Variants in PDE4A observed in about 807,000 individuals in gnomAD.
The protein encoded by PDE4A is phosphodiesterase 4A, also known as 3',5'-cyclic-AMP phosphodiesterase 4A.
In PDE4A, 21 loss-of-function variants were observed where a neutral mutation model predicts 73.9. The observed-to-expected ratio is 0.28, with a 90% CI of 0.20 to 0.41. The LOEUF (loss-of-function observed/expected upper bound fraction) is 0.41, where lower values mean the gene tolerates loss of function less well. PDE4A is among the 10% of genes least tolerant of loss of function. PDE4A has a pLI of 1.00. For missense variants in PDE4A, 958 were observed against 1,211.4 expected, an observed-to-expected ratio of 0.79 and a Z score of 3.10; for synonymous variants, 463 against 505.4, an observed-to-expected ratio of 0.92 and a Z score of 1.13.
upstream of PDE4A, chr19:10,417,983 T>A: frequency 8.4e-7 from 1 of 1,185,522 alleles, no homozygotes; most frequent in Non-Finnish European, 1.2e-6. Flanking sequence ...CAAAACTAGC[T>A]GCAACTTGTC....
chr19:10,421,919 G>A (rs1411730562), intron 1 of PDE4A, among the ~76,000 whole-genome samples: 2 of 152,160 alleles, frequency 1.3e-5, no homozygotes, highest in African/African-American at 2.4e-5. Flanking sequence ...TGAGCTTCTG[G>A]GGTCTTGTGA....
In PDE4A at chr19:10,467,254, C is replaced by T; in HGVS notation, c.2294C>T (p.Ala765Val). The T allele has an allele frequency of 6.2e-7, 1 of 1,614,202 alleles. No homozygotes were observed. Among genetic ancestry groups the T allele is most frequent in the Non-Finnish European group, 8.5e-7 (1 of 1,180,038 alleles). The change falls in exon 15 of 15, where the codon GCA (alanine) becomes GTA (valine). Residue 765 changes from alanine (A) to valine (V), a missense_variant. Physicochemically the swap from Ala to Val is moderately conservative, Grantham distance 64 (BLOSUM62 0). Transcript: ENST00000380702. The stretch of plus-strand genomic sequence containing the variant: ...GCCCAGGAGTCGTTGGAAGTTATGG[C>T]ACAGGAAGCATCCCTGGAGGCCGAG... ...SPAQESLEVM[A>V]QEASLEAELE...
intron 1 of PDE4A, among the ~76,000 whole-genome samples, chr19:10,425,309 G>A (rs1470180930): frequency 6.6e-6 from 1 of 152,128 alleles, no homozygotes; most frequent in African/African-American, 2.4e-5. Flanking sequence ...CCGCTGACTC[G>A]CTGTGTGACT....
chr19:10,467,127 A>G lies in PDE4A; in HGVS notation c.2167A>G (p.Met723Val), dbSNP rs747821305. Reference sequence around the variant, plus strand: ...GGAGGAAGAGGAGGAAGAAATATCAATGGCCCAGATACCGTGCACAGCCCA... The same window carrying G: ...GGAGGAAGAGGAGGAAGAAATATCAGTGGCCCAGATACCGTGCACAGCCCA... ...LEEEEEEEIS[M>V]AQIPCTAQEA... Residue 723 changes from methionine to valine, a missense_variant, in exon 15 of 15, where the codon ATG becomes GTG. Transcript: ENST00000380702. The G allele has an allele frequency of 3.7e-6, 6 of 1,614,046 alleles. No individual in the cohort carries two copies. The African/African-American group carries it at 6.7e-5, about 18-fold the overall frequency.
Position 10,443,789 on chromosome 19 carries a change from T to G in PDE4A, c.321-2429T>G, listed in dbSNP as rs574177743. ...TGGGAGGCCGAGGTGGGTGGATTAC[T>G]TGAGGTCTGGAGTTCGAAACCAGCC... On this transcript the variant is annotated intron_variant, in intron 1 of 14. Transcript: ENST00000380702. 4.6e-5 allele frequency among the ~76,000 whole-genome samples: 7 copies of G among 150,952 alleles called. No homozygotes were observed. The South Asian group carries it at 1.3e-3, about 27-fold the overall frequency.
chr19:10,454,681 C>T, intron 6 of PDE4A, 148 bp from the exon 7 acceptor site: 1 of 1,395,500 alleles, frequency 7.2e-7, no homozygotes, highest in Non-Finnish European at 9.6e-7. Flanking sequence ...TGACCCCAAC[C>T]CCCCAGCAGT....
At chr19:10,417,866 G>A (rs1211347580), upstream of PDE4A, 1 of 1,553,860 alleles carries the variant, frequency 6.4e-7, no homozygotes, top group Non-Finnish European at 8.6e-7. Flanking sequence ...AGAACGACAG[G>A]TAGGTAGGAG....
intron 1 of PDE4A, among the ~76,000 whole-genome samples, chr19:10,425,350 C>T (rs981713763): frequency 6.6e-6 from 1 of 152,218 alleles, no homozygotes; most frequent in African/African-American, 2.4e-5. Context: ...CTCGGAGCCT[C>T]AGTTTCCTCA....
chr19:10,459,290 G>A, intron 8 of PDE4A, 110 bp from the exon 9 acceptor site: 1 of 1,556,120 alleles, frequency 6.4e-7, no homozygotes, highest in East Asian at 2.3e-5. Flanking sequence ...TCACCCACTG[G>A]GTGAGCAATA....
intron 5 of PDE4A, 61 bp from the exon 6 acceptor site, chr19:10,450,768 G>T (rs1185490167): frequency 6.3e-7 from 1 of 1,577,854 alleles, no homozygotes. Flanking sequence ...CGGCGGTCTG[G>T]AGCCTCTGGG....
intron 1 of PDE4A, among the ~76,000 whole-genome samples, chr19:10,433,492 A>G: frequency 6.6e-6 from 1 of 152,194 alleles, no homozygotes; most frequent in South Asian, 2.1e-4. Context: ...GGACTGTCAC[A>G]GTATCAGTGC....
Position 10,453,176 on chromosome 19 carries a change from G to T in PDE4A, c.784-1653G>T. 2 of 1,471,674 alleles carry T rather than the reference G, an allele frequency of 1.4e-6. No individual in the cohort carries two copies. Among genetic ancestry groups the T allele is most frequent in the South Asian group, 1.4e-5 (1 of 71,952 alleles). 91.2% of individuals were successfully genotyped at this position (1,471,674 alleles called of 1,614,324 possible). A position where few individuals can be genotyped will look rare whatever the true frequency, so the allele number is the denominator to read the frequency against. ...TCCCCCTTCCACTACCCACCTGCCCGGCACCCCCTCCCCAGTGGTTGTTAA... is the reference window on the plus strand; with the variant it reads ...TCCCCCTTCCACTACCCACCTGCCCTGCACCCCCTCCCCAGTGGTTGTTAA... On this transcript the variant is annotated intron_variant, in intron 6 of 14. Transcript: ENST00000380702. This position sits in a 1 kb window ranked among gnomAD's most constrained non-coding sequence, Gnocchi z 4.6.
rs1164207871 is a variant in PDE4A, at chr19:10,462,004, C to T, written c.1743+5C>T. On this transcript the variant is annotated splice_donor_5th_base_variant and intron_variant, in intron 13 of 14. Transcript: ENST00000380702. The stretch of plus-strand genomic sequence containing the variant: ...AACTACTCCGACCGCATCCAGGTGC[C>T]CCCACGCCCCATCATCTAAGGAGGG... 1.2e-6 allele frequency: 2 copies of T among 1,610,148 alleles called. No individual in the cohort carries two copies. Among genetic ancestry groups the T allele is most frequent in the African/African-American group, 1.3e-5 (1 of 74,880 alleles).
chr19:10,439,760 C>T (rs1169678390), intron 1 of PDE4A, among the ~76,000 whole-genome samples: 1 of 152,038 alleles, frequency 6.6e-6, no homozygotes, highest in Non-Finnish European at 1.5e-5. Context: ...AGTCCCTTCT[C>T]TTGGAGTGAA....
chr19:10,436,851 C>G (rs2042871715), intron 1 of PDE4A, among the ~76,000 whole-genome samples: 1 of 151,988 alleles, frequency 6.6e-6, no homozygotes, highest in African/African-American at 2.4e-5. Flanking sequence ...ACTGGCCTGG[C>G]CAACATGGTG....
chr19:10,441,896 G>T (rs970967818), intron 1 of PDE4A, among the ~76,000 whole-genome samples: 1 of 150,896 alleles, frequency 6.6e-6, no homozygotes, highest in Non-Finnish European at 1.5e-5. Context: ...CACCATGTTG[G>T]CCAGGCTGGT....
At chr19:10,441,031 C>A (rs1221120432) in intron 1 of PDE4A, among the ~76,000 whole-genome samples, 1 of 151,592 alleles carries the variant, frequency 6.6e-6, no homozygotes, top group African/African-American at 2.4e-5. Context: ...AGCCACCAGG[C>A]CTGGCCTATT....
At position 10,424,025 on chromosome 19, in the gene PDE4A, G is replaced by A. The variant is rs944399614; in HGVS notation, c.320+2941G>A. Among the ~76,000 whole-genome samples the A allele has an allele frequency of 2.0e-5, 3 of 152,240 alleles. No individual in the cohort carries two copies. The highest frequency in any genetic ancestry group is 4.4e-5 in the Non-Finnish European group (3 of 68,046). ...AGGATTCAGTGCTCCCCACACTGGA[G>A]TTCATCCAGCTACCGCAAAAGGAGT... On this transcript the variant is annotated intron_variant, in intron 1 of 14. Transcript: ENST00000380702. The surrounding 1 kb of genome is among the most constrained non-coding windows in gnomAD (Gnocchi z 4.8).
chr19:10,452,632 G>A (rs2043110196), intron 6 of PDE4A, among the ~76,000 whole-genome samples: 1 of 151,956 alleles, frequency 6.6e-6, no homozygotes, highest in African/African-American at 2.4e-5. Context: ...GTGTGTGTGT[G>A]TGCTGTAAGT....
Sources: gnomAD v4.1 joint callset for allele counts (sites outside exome capture counted in the v4.1 genomes callset) on GRCh38, gnomAD v4.1.1 for gene constraint, Gnocchi (gnomAD v3.1) non-coding constraint, MANE v1.5 for transcripts, NCBI Gene and HGNC (gene_info 2026-07-23, HGNC 2026-07-21) for gene names.